Variants in PAPPA2 observed in about 807,000 individuals in gnomAD.
PAPPA2 encodes the protein pappalysin 2, also known as pappalysin-2.
PAPPA2 carries 86 observed loss-of-function variants against 176.4 expected under a neutral mutation model. The observed-to-expected ratio is 0.49, with a 90% confidence interval of 0.41 to 0.58. The LOEUF is 0.58. PAPPA2 is among the 20% of genes least tolerant of loss of function. The probability of loss-of-function intolerance (pLI) is 0.00; values close to 1 mark genes in which losing one functional copy is unlikely to be tolerated. For synonymous variants in PAPPA2, 809 were observed against 852.2 expected, an observed-to-expected ratio of 0.95 and a Z score of 0.88; for missense variants, 2,073 against 2,256.9, an observed-to-expected ratio of 0.92 and a Z score of 1.65.
chr1:176,731,272 CCACA>C (rs113859228), intron 12 of PAPPA2, among the ~76,000 whole-genome samples: 1 of 149,726 alleles, frequency 6.7e-6, no homozygotes, highest in African/African-American at 2.5e-5. Context: ...ACTGACAAAA[CCACA>C]CACACACACA....
chr1:176,723,389 T>C (rs950793470), intron 12 of PAPPA2, among the ~76,000 whole-genome samples: 1 of 152,212 alleles, frequency 6.6e-6, no homozygotes, highest in Non-Finnish European at 1.5e-5. Flanking sequence ...GTTCAGTTAA[T>C]ATATAAGACC....
intron 1 of PAPPA2, among the ~76,000 whole-genome samples, chr1:176,503,097 G>A (rs1037368018): frequency 4.6e-5 from 7 of 152,122 alleles, no homozygotes; most frequent in Non-Finnish European, 7.3e-5. Context: ...AAATAAAGGT[G>A]TCAGAGGGCT....
intron 21 of PAPPA2, among the ~76,000 whole-genome samples, chr1:176,819,030 G>A (rs55668054): frequency 0.12 from 18,864 of 152,148 alleles, 1,506 homozygotes; most frequent in Middle Eastern, 0.23. Context: ...TAAGTTCCAC[G>A]GGGCATTAAG....
chr1:176,559,992 C>T lies in PAPPA2; in HGVS notation c.919+2751C>T, dbSNP rs551898351. 1.2e-4 allele frequency among the ~76,000 whole-genome samples: 19 copies of T among 152,330 alleles called. No individual in the cohort carries two copies. In the South Asian group the frequency reaches 3.1e-3, roughly 25 times the overall value. ...GGGGTCTTAGAGGATACTTTCTACA[C>T]GGAACACTAGGTGGCAGTGTTGCTT... On this transcript the variant is annotated intron_variant, in intron 2 of 22. Coordinates refer to ENST00000367662, the MANE Select transcript of PAPPA2 (RefSeq NM_020318.3).
intron 14 of PAPPA2, among the ~76,000 whole-genome samples, chr1:176,760,957 G>A (rs577972597): frequency 7.5e-4 from 114 of 152,146 alleles, no homozygotes; most frequent in Middle Eastern, 3.4e-3. Flanking sequence ...GGGTAGCTGG[G>A]ACTACAGGCG....
chr1:176,620,139 C>T (rs1391033747), intron 3 of PAPPA2, among the ~76,000 whole-genome samples: 1 of 152,180 alleles, frequency 6.6e-6, no homozygotes, highest in Admixed American at 6.5e-5. Context: ...GCCATGTTCT[C>T]ACATGGTGGA....
chr1:176,810,702 A>T (rs1054902038), intron 21 of PAPPA2, among the ~76,000 whole-genome samples: 1 of 152,216 alleles, frequency 6.6e-6, no homozygotes, highest in African/African-American at 2.4e-5. Flanking sequence ...TCACCTGGGC[A>T]CTTGCTAGAA....
At chr1:176,755,336 C>A (rs761553703) in intron 14 of PAPPA2, among the ~76,000 whole-genome samples, 3 of 152,172 alleles carry the variant, frequency 2.0e-5, no homozygotes, top group African/African-American at 4.8e-5. Flanking sequence ...ATCCTTAAGA[C>A]TTCCATTTAG....
intron 4 of PAPPA2, among the ~76,000 whole-genome samples, chr1:176,671,946 G>A (rs1659030815): frequency 1.3e-5 from 2 of 149,930 alleles, no homozygotes; most frequent in African/African-American, 4.9e-5. Flanking sequence ...AGCTTTAGGA[G>A]ATATACCTAA....
intron 1 of PAPPA2, among the ~76,000 whole-genome samples, chr1:176,482,320 G>A (rs1442243479): frequency 6.6e-6 from 1 of 152,218 alleles, no homozygotes; most frequent in African/African-American, 2.4e-5. Context: ...TTAGAGGAGA[G>A]TTTGATATAG....
intron 21 of PAPPA2, among the ~76,000 whole-genome samples, chr1:176,833,328 G>A (rs746944143): frequency 2.6e-5 from 4 of 152,150 alleles, no homozygotes; most frequent in Non-Finnish European, 4.4e-5. Context: ...AGCTACCTGC[G>A]GAGCATCATA....
rs748126239 is a variant in PAPPA2, at chr1:176,800,108, A to C, written c.5178A>C (p.Leu1726Phe). 6.2e-7 allele frequency: 1 copy of C among 1,614,034 alleles called. No homozygotes were observed. Among genetic ancestry groups the C allele is most frequent in the Non-Finnish European group, 8.5e-7 (1 of 1,179,954 alleles). The change falls in exon 21 of 23, where the codon TTA (leucine) becomes TTC (phenylalanine). Residue 1726 changes from leucine to phenylalanine, a missense_variant. By Grantham distance (22) the Leu-to-Phe change is conservative (BLOSUM62 0). This residue lies in a region of PAPPA2 where 846 missense variants were observed against 857.9 expected (regional missense o/e 0.99). Transcript: ENST00000367662. Reference protein sequence around the residue: ...GRRQWHPDPVLVHCIQSCEPF... With the variant: ...GRRQWHPDPVFVHCIQSCEPF... ...GTCAATGGCACCCAGACCCCGTCTT[A>C]GTCCACTGCATCCAGTCATGTGAGG... is the stretch of plus-strand genomic sequence containing the variant.
chr1:176,561,697 T>C (rs1435561290), intron 2 of PAPPA2, among the ~76,000 whole-genome samples: 1 of 152,144 alleles, frequency 6.6e-6, no homozygotes, highest in Non-Finnish European at 1.5e-5. Context: ...CTTTTGAAAA[T>C]CTGATGAAAG....
chr1:176,756,200 C>G (rs1245145169), intron 14 of PAPPA2, among the ~76,000 whole-genome samples: 1 of 152,086 alleles, frequency 6.6e-6, no homozygotes, highest in Admixed American at 6.6e-5. Context: ...AGTGATCCAC[C>G]CACCTCAGCC....
At chr1:176,820,722 C>A (rs1174010933) in intron 21 of PAPPA2, among the ~76,000 whole-genome samples, 4 of 152,080 alleles carry the variant, frequency 2.6e-5, no homozygotes, top group African/African-American at 9.7e-5. Flanking sequence ...AAATTCTCTC[C>A]TGATTCATAC....
rs1291296449 is a variant in PAPPA2 at position 176,507,087 on chromosome 1, A to C, written c.-917+43669A>C. Among the ~76,000 whole-genome samples the C allele has an allele frequency of 3.3e-5, 5 of 152,190 alleles. No individual in the cohort carries two copies. In the East Asian group the frequency reaches 7.7e-4, roughly 23 times the overall value. Reference sequence around the variant, plus strand: ...AATCTATAGGGAATTTAAACAAATCAACAAGCAAAAATAAATAACCCCATT... The same window carrying C: ...AATCTATAGGGAATTTAAACAAATCCACAAGCAAAAATAAATAACCCCATT... On this transcript the variant is annotated intron_variant, in intron 1 of 22. Coordinates refer to ENST00000367662, the MANE Select transcript of PAPPA2 (RefSeq NM_020318.3).
chr1:176,682,801 G>A (rs1659648460), intron 4 of PAPPA2, among the ~76,000 whole-genome samples: 1 of 151,950 alleles, frequency 6.6e-6, no homozygotes, highest in Admixed American at 6.6e-5. Flanking sequence ...TGGACCCCAA[G>A]TCACAGTTTT....
At chr1:176,830,036 T>C (rs1667025028) in intron 21 of PAPPA2, among the ~76,000 whole-genome samples, 1 of 152,142 alleles carries the variant, frequency 6.6e-6, no homozygotes, top group African/African-American at 2.4e-5. Flanking sequence ...GGGTGAGTAA[T>C]TGATAGTGAA....
intron 2 of PAPPA2, among the ~76,000 whole-genome samples, chr1:176,584,803 C>T (rs917275177): frequency 6.6e-5 from 10 of 152,048 alleles, no homozygotes; most frequent in African/African-American, 9.7e-5. Flanking sequence ...GGTGCCATCT[C>T]GGCGCAGTGC....
Sources: gnomAD v4.1 joint callset for allele counts (sites outside exome capture counted in the v4.1 genomes callset) on GRCh38, gnomAD v4.1.1 for gene constraint, gnomAD v4.1.1 regional missense constraint, MANE v1.5 for transcripts, NCBI Gene and HGNC (gene_info 2026-07-23, HGNC 2026-07-21) for gene names.